Variants in CUL1 observed in about 807,000 individuals in gnomAD.
The protein encoded by CUL1 is cullin 1, also known as cullin-1.
CUL1 carries 24 observed loss-of-function variants against 118.0 expected under a neutral mutation model. That is an observed-to-expected ratio of 0.20 (90% confidence interval 0.15 to 0.29). The LOEUF (loss-of-function observed/expected upper bound fraction) is 0.29, where lower values mean the gene tolerates loss of function less well. Ranked by LOEUF, CUL1 falls within the 10% of genes least tolerant of loss-of-function variation. The pLI, the probability that CUL1 is intolerant of heterozygous loss-of-function variation, is 1.00. For missense variants in CUL1, 361 were observed against 933.8 expected, an observed-to-expected ratio of 0.39 and a Z score of 7.99; for synonymous variants, 332 against 340.4, an observed-to-expected ratio of 0.98 and a Z score of 0.27.
intron 1 of CUL1, among the ~76,000 whole-genome samples, chr7:148,724,521 C>T (rs73467413): frequency 0.012 from 1,893 of 152,304 alleles, 39 homozygotes; most frequent in African/African-American, 0.043. Flanking sequence ...TGTGGAAGCA[C>T]AGCTGGCTCT....
At chr7:148,761,470 C>T (rs754953966) in intron 7 of CUL1, among the ~76,000 whole-genome samples, 30 of 152,198 alleles carry the variant, frequency 2.0e-4, no homozygotes, top group Non-Finnish European at 4.1e-4. Context: ...GAGATTGTGC[C>T]ACTGCCCTCC....
intron 2 of CUL1, among the ~76,000 whole-genome samples, chr7:148,744,721 T>A (rs984663698): frequency 2.0e-5 from 3 of 152,212 alleles, no homozygotes; most frequent in Non-Finnish European, 4.4e-5. Flanking sequence ...TGCTCTTCAT[T>A]CCTTCCTAAA....
At chr7:148,736,996 G>C (rs564104383) in intron 2 of CUL1, among the ~76,000 whole-genome samples, 1 of 152,154 alleles carries the variant, frequency 6.6e-6, no homozygotes, top group African/African-American at 2.4e-5. Context: ...CTAGATTTTC[G>C]TATAGAGCAT....
chr7:148,713,863 A>G (rs950837998), intron 1 of CUL1, among the ~76,000 whole-genome samples: 1 of 152,146 alleles, frequency 6.6e-6, no homozygotes, highest in African/African-American at 2.4e-5. Context: ...AGCTGTGACT[A>G]CAGGTGTGTG....
In CUL1 at chr7:148,753,979, T is replaced by C. The variant is rs1799576922; in HGVS notation, c.144T>C (p.His48=). ...AKSRYMELYT[H]VYNYCTSVHQ... is the part of the protein sequence containing the mutation. ...GTTTCCTTAACTTTTCTCCAAGTCA[T>C]GTTTATAACTACTGTACTAGTGTTC... is the stretch of plus-strand genomic sequence containing the variant. Residue 48 remains histidine (H), a synonymous_variant, in exon 3 of 22, where the codon CAT becomes CAC. Transcript: ENST00000325222. The C allele has an allele frequency of 2.5e-6, 4 of 1,585,558 alleles. No homozygotes were observed. The highest frequency in any genetic ancestry group is 2.0e-5 in the Admixed American group (1 of 51,066).
At chr7:148,791,569 G>A (rs1276036559) in intron 16 of CUL1, among the ~76,000 whole-genome samples, 1 of 152,240 alleles carries the variant, frequency 6.6e-6, no homozygotes, top group Non-Finnish European at 1.5e-5. Flanking sequence ...GCTTTGCCTA[G>A]GGTGTGTCTG....
intron 1 of CUL1, among the ~76,000 whole-genome samples, chr7:148,724,479 T>A (rs243521): frequency 2.6e-5 from 4 of 152,070 alleles, no homozygotes; most frequent in Non-Finnish European, 5.9e-5. Flanking sequence ...TAAAAACTCA[T>A]GCGGGCTCCG....
chr7:148,746,776 T>C lies in CUL1; in HGVS notation c.141-7200T>C, dbSNP rs532533880. 2.0e-5 allele frequency among the ~76,000 whole-genome samples: 3 copies of C among 152,350 alleles called. No individual in the cohort carries two copies. The East Asian group carries it at 5.8e-4, about 29-fold the overall frequency. On this transcript the variant is annotated intron_variant, in intron 2 of 21. Coordinates refer to ENST00000325222, the MANE Select transcript of CUL1 (RefSeq NM_003592.3). ...AATTCCATCTGATGAAAATGCATTC[T>C]AGTTGGCAGCATTTTCTTTTCTTAA...
At position 148,792,618 on chromosome 7, in the gene CUL1, A is replaced by G. The variant is rs571877275; in HGVS notation, c.1807-108A>G. On this transcript the variant is annotated intron_variant, in intron 16 of 21. Transcript: ENST00000325222. ...CTGTGCTTTTTTTGTACTTGTTTAA[A>G]GAATTTGTTTCATAAATAAGTTCTT... The G allele has an allele frequency of 3.8e-5, 24 of 636,264 alleles. No homozygotes were observed. In the East Asian group the frequency reaches 5.4e-4, roughly 14 times the overall value. The allele number at this position is 636,264 out of a possible 1,614,324, so 39.4% of individuals were successfully genotyped here.
chr7:148,733,500 A>T (rs1798834738), intron 2 of CUL1, among the ~76,000 whole-genome samples: 1 of 152,238 alleles, frequency 6.6e-6, no homozygotes, highest in African/African-American at 2.4e-5. Flanking sequence ...ATTCCAGCCC[A>T]GGTTGCATAA....
At chr7:148,700,761 G>A (rs1180400049) in intron 1 of CUL1, among the ~76,000 whole-genome samples, 1 of 151,952 alleles carries the variant, frequency 6.6e-6, no homozygotes, top group Admixed American at 6.6e-5. Flanking sequence ...TTTCTCATTG[G>A]CTTCATCTTT....
intron 7 of CUL1, among the ~76,000 whole-genome samples, chr7:148,765,685 TAA>T (rs1395881124): frequency 1.3e-5 from 2 of 152,204 alleles, no homozygotes; most frequent in Non-Finnish European, 2.9e-5. Flanking sequence ...GGCATTTTTA[TAA>T]TGCAAAATAT....
At chr7:148,786,876 G>A in intron 12 of CUL1, 113 bp from the exon 13 acceptor site, 1 of 1,432,962 alleles carries the variant, frequency 7.0e-7, no homozygotes, top group Non-Finnish European at 9.4e-7. Context: ...GTACAGACCT[G>A]CCCAAAGCCA....
chr7:148,729,841 C>T (rs1584773614), intron 1 of CUL1, 121 bp from the exon 2 acceptor site: 2 of 312,212 alleles, frequency 6.4e-6, no homozygotes, highest in Admixed American at 4.9e-5. Context: ...AATGTGTTTG[C>T]ACATAGAAAG....
intron 1 of CUL1, among the ~76,000 whole-genome samples, chr7:148,708,795 A>C (rs1448344168): frequency 6.6e-6 from 1 of 152,166 alleles, no homozygotes; most frequent in Non-Finnish European, 1.5e-5. Flanking sequence ...TCAAACTGGG[A>C]ATGTGATTTC....
In CUL1 at chr7:148,800,939, G is replaced by C. The variant is rs1801367630; in HGVS notation, c.*357G>C. On this transcript the variant is annotated 3_prime_UTR_variant, in exon 22 of 22. Coordinates refer to ENST00000325222, the MANE Select transcript of CUL1 (RefSeq NM_003592.3). The surrounding 1 kb of genome is among the most constrained non-coding windows in gnomAD (Gnocchi z 4.6). ...TTGGCAGCACTTTGAGAGCAAGTCTGAGTGGACCCACATGTAACCTGCTAT... is the reference window on the plus strand; with the variant it reads ...TTGGCAGCACTTTGAGAGCAAGTCTCAGTGGACCCACATGTAACCTGCTAT... 1 of 191,966 alleles carries C rather than the reference G, an allele frequency of 5.2e-6. No individual in the cohort carries two copies. Among genetic ancestry groups the C allele is most frequent in the African/African-American group, 2.3e-5 (1 of 42,754 alleles). The allele number at this position is 191,966 out of a possible 1,614,324, so 11.9% of individuals were successfully genotyped here. A position where few individuals can be genotyped will look rare whatever the true frequency, so the allele number is the denominator to read the frequency against.
At chr7:148,747,993 A>G (rs377102783) in intron 2 of CUL1, among the ~76,000 whole-genome samples, 56 of 152,344 alleles carry the variant, frequency 3.7e-4, no homozygotes, top group East Asian at 2.1e-3. Context: ...GAGGTAATAG[A>G]ATCTTCCAAA....
intron 17 of CUL1, among the ~76,000 whole-genome samples, chr7:148,793,556 C>T (rs1391709828): frequency 6.6e-6 from 1 of 152,222 alleles, no homozygotes; most frequent in Non-Finnish European, 1.5e-5. Flanking sequence ...ACATGACTTT[C>T]TGTGCCTGCC....
intron 1 of CUL1, among the ~76,000 whole-genome samples, chr7:148,723,055 A>T (rs1271826319): frequency 6.6e-6 from 1 of 152,076 alleles, no homozygotes; most frequent in Non-Finnish European, 1.5e-5. Flanking sequence ...TGGCTTGTTT[A>T]ATCCTCACCA....
Sources: gnomAD v4.1 joint callset for allele counts (sites outside exome capture counted in the v4.1 genomes callset) on GRCh38, gnomAD v4.1.1 for gene constraint, Gnocchi (gnomAD v3.1) non-coding constraint, MANE v1.5 for transcripts, NCBI Gene and HGNC (gene_info 2026-07-23, HGNC 2026-07-21) for gene names.